The following GLIS1 variants were observed in gnomAD, a reference collection of about 807,000 sequenced individuals.
GLIS1 encodes the protein GLIS family zinc finger 1.
Under a neutral mutation model 63.8 loss-of-function variants are expected in GLIS1, and 24 were observed. The ratio of observed to expected loss-of-function variants is 0.38; its 90% CI spans 0.27 to 0.53. The LOEUF (loss-of-function observed/expected upper bound fraction) is 0.53. Among genes scored for constraint, GLIS1 ranks in the 20% least tolerant of loss-of-function variants. GLIS1 has a pLI of 0.85. For synonymous variants in GLIS1, 450 were observed against 482.5 expected (o/e 0.93, Z 0.88); for missense variants, 1,036 against 1,074.1 (o/e 0.96, Z 0.50).
intron 4 of GLIS1, among the ~76,000 whole-genome samples, chr1:53,572,595 C>T (rs1446255000): frequency 1.3e-5 from 2 of 152,200 alleles, no homozygotes; most frequent in Non-Finnish European, 1.5e-5. Flanking sequence ...AGTCAGGGGA[C>T]GTTTACATTC....
Position 53,509,965 on chromosome 1 carries a change from AGCGGC to A in GLIS1, c.1941_1945del (p.Pro648AlafsTer61). ...AGAATGGCTCTGAGAGGATGGGGGC[AGCGGC>A]GGTGGCCCCAGCCCCTTCAGGGGGC... On this transcript the variant is annotated frameshift_variant, in exon 9 of 11. Transcript: ENST00000628545. LOFTEE classifies it high-confidence loss of function. 1 of 1,296,298 alleles carries A rather than the reference AGCGGC, an allele frequency of 7.7e-7. No homozygotes were observed. The highest frequency in any genetic ancestry group is 9.9e-7 in the Non-Finnish European group (1 of 1,013,940). The allele number at this position is 1,296,298 out of a possible 1,614,324, so 80.3% of individuals were successfully genotyped here.
At chr1:53,644,396 A>G (rs1305722127) in intron 2 of GLIS1, among the ~76,000 whole-genome samples, 2 of 152,260 alleles carry the variant, frequency 1.3e-5, no homozygotes, top group South Asian at 2.1e-4. Context: ...CATTAAACCT[A>G]TTAAATCCTG....
intron 2 of GLIS1, among the ~76,000 whole-genome samples, chr1:53,650,395 G>GTT (rs1429998232): frequency 1.3e-5 from 2 of 152,206 alleles, no homozygotes; most frequent in Non-Finnish European, 2.9e-5. Flanking sequence ...TTCAAGACCA[G>GTT]CCTGGCCAAC....
At chr1:53,702,707 A>G (rs1446016033) in intron 2 of GLIS1, among the ~76,000 whole-genome samples, 1 of 152,250 alleles carries the variant, frequency 6.6e-6, no homozygotes, top group Admixed American at 6.5e-5. Context: ...ATTAATGAGG[A>G]ACGACTGTGT....
At chr1:53,644,944 C>T (rs887474883) in intron 2 of GLIS1, among the ~76,000 whole-genome samples, 1 of 152,170 alleles carries the variant, frequency 6.6e-6, no homozygotes, top group Admixed American at 6.5e-5. Context: ...TTTATCTCCT[C>T]CACAAAAATC....
chr1:53,551,146 C>T (rs1644755253), intron 4 of GLIS1, among the ~76,000 whole-genome samples: 1 of 152,142 alleles, frequency 6.6e-6, no homozygotes, highest in Non-Finnish European at 1.5e-5. Flanking sequence ...TGCGCCCGGC[C>T]AGTGATTTTT....
intron 2 of GLIS1, among the ~76,000 whole-genome samples, chr1:53,726,620 G>A (rs956122468): frequency 6.6e-6 from 1 of 151,980 alleles, no homozygotes; most frequent in Non-Finnish European, 1.5e-5. Context: ...TCATCCTACT[G>A]GACACCACAG....
chr1:53,508,578 T>G (rs1363401509), intron 10 of GLIS1, among the ~76,000 whole-genome samples: 2 of 152,136 alleles, frequency 1.3e-5, no homozygotes, highest in African/African-American at 2.4e-5. Context: ...TGGTTCCACC[T>G]GGGCTGCGGG....
At chr1:53,679,018 C>T (rs1483254056) in intron 2 of GLIS1, among the ~76,000 whole-genome samples, 1 of 152,222 alleles carries the variant, frequency 6.6e-6, no homozygotes, top group Admixed American at 6.5e-5. Context: ...GGTCACCCCC[C>T]ACCTCTCATG....
chr1:53,534,203 G>A (rs552270840), intron 4 of GLIS1, among the ~76,000 whole-genome samples: 1 of 152,134 alleles, frequency 6.6e-6, no homozygotes, highest in African/African-American at 2.4e-5. Flanking sequence ...TGGGGCTTGT[G>A]AGACCAGAAA....
At chr1:53,506,800 A>G in intron 10 of GLIS1, 24 bp from the exon 11 acceptor site, 1 of 1,599,576 alleles carries the variant, frequency 6.3e-7, no homozygotes, top group Non-Finnish European at 8.5e-7. Flanking sequence ...GGAAAGGGTC[A>G]GCGCTGGAGG....
In GLIS1 at chr1:53,594,699, C is replaced by G. The variant is rs1645234668; in HGVS notation, c.729G>C (p.Leu243Phe). 1.1e-5 allele frequency: 17 copies of G among 1,554,320 alleles called. No individual in the cohort carries two copies. The highest frequency in any genetic ancestry group is 1.4e-5 in the Non-Finnish European group (16 of 1,148,512). Residue 243 changes from leucine to phenylalanine, a missense_variant, in exon 4 of 11, where the codon TTG (leucine) becomes TTC (phenylalanine). By Grantham distance (22) the Leu-to-Phe change is conservative. This residue lies in a region of GLIS1 where 592 missense variants were observed against 593.9 expected (regional missense o/e 1.00). Coordinates refer to ENST00000628545, the MANE Select transcript of GLIS1 (RefSeq NM_001367484.1). ...PEGSLKRCCV[L>F]GLPPTSPASS... is the part of the protein sequence containing the mutation. ...AGGCTGGGGAGGTGGGGGGTAGGCCCAAGACGCAGCACCGCTTCAGGCTGC... is the reference window on the plus strand; with the variant it reads ...AGGCTGGGGAGGTGGGGGGTAGGCCGAAGACGCAGCACCGCTTCAGGCTGC...
At position 53,639,258 on chromosome 1, in the gene GLIS1, G is replaced by A. The variant is rs1042848101; in HGVS notation, c.260-38980C>T. On this transcript the variant is annotated intron_variant, in intron 2 of 10. Coordinates refer to ENST00000628545, the MANE Select transcript of GLIS1 (RefSeq NM_001367484.1). This position sits in a 1 kb window ranked among gnomAD's most constrained non-coding sequence, Gnocchi z 4.6. ...TCCAGCATTACACTAAGGGAGCTGCGGGCTGGCAGGGCGATGGCATATCCA... is the reference window on the plus strand; with the variant it reads ...TCCAGCATTACACTAAGGGAGCTGCAGGCTGGCAGGGCGATGGCATATCCA... Among the ~76,000 whole-genome samples the A allele has an allele frequency of 2.6e-5, 4 of 152,120 alleles. No homozygotes were observed. The highest frequency in any genetic ancestry group is 6.5e-5 in the Admixed American group (1 of 15,268).
intron 2 of GLIS1, among the ~76,000 whole-genome samples, chr1:53,682,580 A>T (rs1038911904): frequency 1.3e-5 from 2 of 152,260 alleles, no homozygotes; most frequent in African/African-American, 4.8e-5. Context: ...TTCGCTTATT[A>T]GAATACACCC....
intron 10 of GLIS1, among the ~76,000 whole-genome samples, chr1:53,507,750 C>T (rs1027727326): frequency 6.6e-6 from 1 of 152,210 alleles, no homozygotes; most frequent in Non-Finnish European, 1.5e-5. Context: ...AAGAACCTCC[C>T]CTGGCCGGTG....
At chr1:53,530,219 C>T (rs1432200223) in intron 4 of GLIS1, among the ~76,000 whole-genome samples, 1 of 152,188 alleles carries the variant, frequency 6.6e-6, no homozygotes, top group Non-Finnish European at 1.5e-5. Flanking sequence ...GTTCTGGACC[C>T]GAAAGGCTCC....
intron 4 of GLIS1, among the ~76,000 whole-genome samples, chr1:53,575,699 T>TGC (rs1645026094): frequency 6.6e-6 from 1 of 152,130 alleles, no homozygotes; most frequent in Non-Finnish European, 1.5e-5. Context: ...ATGGAGCAGG[T>TGC]GCTTGGTGAA....
chr1:53,578,422 G>T (rs1452484851), intron 4 of GLIS1, among the ~76,000 whole-genome samples: 2 of 152,158 alleles, frequency 1.3e-5, no homozygotes, highest in Non-Finnish European at 2.9e-5. Context: ...AAGGTCTATT[G>T]TTTTGTTCAG....
intron 6 of GLIS1, among the ~76,000 whole-genome samples, chr1:53,522,986 C>CTTTTTCTT (rs760283252): frequency 0.16 from 7,118 of 43,482 alleles, 931 homozygotes; most frequent in African/African-American, 0.28. Context: ...TCTTTTCTTT[C>CTTTTTCTT]TTTTTTTTTT....
Sources: gnomAD v4.1 joint callset for allele counts (sites outside exome capture counted in the v4.1 genomes callset) on GRCh38, gnomAD v4.1.1 for gene constraint, gnomAD v4.1.1 regional missense constraint, Gnocchi (gnomAD v3.1) non-coding constraint, MANE v1.5 for transcripts, NCBI Gene and HGNC (gene_info 2026-07-23, HGNC 2026-07-21) for gene names.